The following HCRTR2 variants were observed in gnomAD, a reference collection of about 807,000 sequenced individuals.
HCRTR2 encodes orexin receptor type 2.
In HCRTR2, 22 loss-of-function variants were observed where a neutral mutation model predicts 49.0. The observed-to-expected ratio is 0.45, with a 90% CI of 0.32 to 0.64. The LOEUF is 0.64. Among genes scored for constraint, HCRTR2 ranks in the 30% least tolerant of loss-of-function variants. The pLI is 0.04. For synonymous variants in HCRTR2, 236 were observed against 205.3 expected, an observed-to-expected ratio of 1.15 and a Z score of -1.28; for missense variants, 491 against 559.4, an observed-to-expected ratio of 0.88 and a Z score of 1.23.
chr6:55,193,681 T>C (rs959200658), intron 1 of HCRTR2, among the ~76,000 whole-genome samples: 5 of 152,048 alleles, frequency 3.3e-5, no homozygotes, highest in Admixed American at 2.6e-4. Context: ...CAAAATACTG[T>C]CTCCACATTT....
chr6:55,273,484 T>A (rs536519508), intron 4 of HCRTR2, among the ~76,000 whole-genome samples: 1 of 152,196 alleles, frequency 6.6e-6, no homozygotes, highest in East Asian at 1.9e-4. Context: ...TCCTCCCAGA[T>A]AAAATTCTCG....
chr6:55,238,298 C>T (rs1016402186), intron 1 of HCRTR2, among the ~76,000 whole-genome samples: 2 of 152,108 alleles, frequency 1.3e-5, no homozygotes, highest in Admixed American at 6.6e-5. Context: ...ATTTCAACCT[C>T]GTTATTATTT....
At position 55,114,161 on chromosome 6, in the gene HCRTR2, T is replaced by C. The variant is rs151158098; in HGVS notation, c.-378+7616T>C. Among the ~76,000 whole-genome samples the C allele has an allele frequency of 2.9e-3, 435 of 151,802 alleles. 2 individuals carry two copies. Among genetic ancestry groups the C allele is most frequent in the African/African-American group, 9.5e-3 (396 of 41,478 alleles). The stretch of plus-strand genomic sequence containing the variant: ...AGGGTGAGGGTTAAAATACTACAGA[T>C]TGGGTACAGTGCACACTGCTCAGGT... On this transcript the variant is annotated intron_variant, in intron 1 of 7. Coordinates refer to the HCRTR2 transcript ENST00000615358.
chr6:55,199,745 G>A lies in HCRTR2; in HGVS notation c.223+24935G>A, dbSNP rs922645677. Among the ~76,000 whole-genome samples the A allele has an allele frequency of 5.9e-5, 9 of 151,990 alleles. No individual in the cohort carries two copies. The East Asian group carries it at 9.7e-4, about 16-fold the overall frequency. The stretch of plus-strand genomic sequence containing the variant: ...AATTTGGGGAAAATTTAAAGCTGGC[G>A]AAAAAGGCTTCATCATAATTGACAA... On this transcript the variant is annotated intron_variant, in intron 1 of 6. Coordinates refer to ENST00000370862, the MANE Select transcript of HCRTR2 (RefSeq NM_001384272.1).
At chr6:55,121,838 T>G (rs544121114) in intron 1 of HCRTR2, among the ~76,000 whole-genome samples, 1 of 152,174 alleles carries the variant, frequency 6.6e-6, no homozygotes, top group South Asian at 2.1e-4. Context: ...ATAAGCTTTT[T>G]GATGTGCTGC....
At chr6:55,223,426 C>T (rs1765937071) in intron 1 of HCRTR2, among the ~76,000 whole-genome samples, 1 of 152,164 alleles carries the variant, frequency 6.6e-6, no homozygotes, top group Non-Finnish European at 1.5e-5. Flanking sequence ...GCTTTTAAAA[C>T]ATCCTGAAGT....
chr6:55,133,646 T>TTATC (rs768016218), intron 1 of HCRTR2, among the ~76,000 whole-genome samples: 1 of 146,578 alleles, frequency 6.8e-6, no homozygotes, highest in African/African-American at 2.5e-5. Flanking sequence ...CTACATGTAT[T>TTATC]TATCTATCTA....
At position 55,115,416 on chromosome 6, in the gene HCRTR2, A is replaced by G. The variant is rs571452002; in HGVS notation, c.-378+8871A>G. 1.3e-4 allele frequency among the ~76,000 whole-genome samples: 20 copies of G among 151,678 alleles called. No individual in the cohort carries two copies. In the South Asian group the frequency reaches 3.9e-3, roughly 30 times the overall value. On this transcript the variant is annotated intron_variant, in intron 1 of 7. Transcript: ENST00000615358. ...AATTGGGCTATTTAATCAATTTTCTAAACTTCTGCTTAGTCAACTGTGGCA... is the reference window on the plus strand; with the variant it reads ...AATTGGGCTATTTAATCAATTTTCTGAACTTCTGCTTAGTCAACTGTGGCA...
chr6:55,118,983 T>G (rs1051170717), intron 1 of HCRTR2, among the ~76,000 whole-genome samples: 4 of 151,938 alleles, frequency 2.6e-5, no homozygotes, highest in African/African-American at 9.7e-5. Context: ...TTTCCCTCCC[T>G]GTGTTCATGT....
At chr6:55,140,620 A>T (rs7761418) in intron 1 of HCRTR2, among the ~76,000 whole-genome samples, 36,518 of 152,070 alleles carry the variant, frequency 0.24, 4,746 homozygotes, top group African/African-American at 0.31. Flanking sequence ...ATTTTACAAA[A>T]TTTTTAACAT....
At position 55,282,314 on chromosome 6, in the gene HCRTR2, A is replaced by G; in HGVS notation, c.1195A>G (p.Thr399Ala). 1 of 1,613,848 alleles carries G rather than the reference A, an allele frequency of 6.2e-7. No homozygotes were observed. The highest frequency in any genetic ancestry group is 1.3e-5 in the African/African-American group (1 of 75,044). The change falls in exon 7 of 7, where the codon ACT becomes GCT. Residue 399 changes from threonine (T) to alanine (A), a missense_variant. Transcript: ENST00000370862. ...GGAGGATCGGCTCACCAGGGGACGA[A>G]CTAGCACAGAGAGCCGGAAGTCCTT... ...RQEDRLTRGR[T>A]STESRKSLTT...
intron 1 of HCRTR2, among the ~76,000 whole-genome samples, chr6:55,240,467 C>A (rs1454952119): frequency 6.6e-6 from 1 of 151,984 alleles, no homozygotes; most frequent in Middle Eastern, 3.4e-3. Flanking sequence ...GTCCTCCATC[C>A]GTCAGCGTTG....
upstream of HCRTR2, among the ~76,000 whole-genome samples, chr6:55,171,989 A>T (rs1245125112): frequency 6.6e-6 from 1 of 152,164 alleles, no homozygotes; most frequent in Admixed American, 6.5e-5. Context: ...TGAATAGTGC[A>T]TGGAAGAGTA....
intron 1 of HCRTR2, among the ~76,000 whole-genome samples, chr6:55,215,771 T>G (rs889051672): frequency 2.0e-5 from 3 of 152,228 alleles, no homozygotes; most frequent in Admixed American, 6.5e-5. Context: ...ATATGTTTGA[T>G]TTAAGCCCCA....
At chr6:55,174,361 T>G (rs1764995667), upstream of HCRTR2, 2 of 566,994 alleles carry the variant, frequency 3.5e-6, no homozygotes, top group Admixed American at 5.6e-5. Flanking sequence ...GTTCCTCAGC[T>G]GCCTATCTTC....
intron 1 of HCRTR2, among the ~76,000 whole-genome samples, chr6:55,146,459 C>A (rs1764581636): frequency 6.6e-6 from 1 of 151,946 alleles, no homozygotes; most frequent in Admixed American, 6.5e-5. Context: ...AATGCTAATT[C>A]ATTCCTGGGC....
chr6:55,277,594 TA>T lies in HCRTR2; in HGVS notation c.980del (p.Lys327ArgfsTer81). On this transcript the variant is annotated frameshift_variant, in exon 5 of 7. Coordinates refer to ENST00000370862, the MANE Select transcript of HCRTR2 (RefSeq NM_001384272.1). LOFTEE classifies it high-confidence loss of function. ...CYLPISILNV[L>X]KRVFGMFAHT... ...CTACCAATTAGCATCCTCAATGTGC[TA>T]AAGAGGTAAAACTTATCTGTTATTT... 1 of 1,605,110 alleles carries T rather than the reference TA, an allele frequency of 6.2e-7. No homozygotes were observed. Among genetic ancestry groups the T allele is most frequent in the Non-Finnish European group, 8.5e-7 (1 of 1,171,924 alleles).
intron 1 of HCRTR2, among the ~76,000 whole-genome samples, chr6:55,220,737 G>A (rs972046047): frequency 1.3e-5 from 2 of 152,058 alleles, no homozygotes; most frequent in African/African-American, 4.8e-5. Flanking sequence ...GAAATAAAAA[G>A]CACTGAAATC....
At chr6:55,135,949 ACATGGTCAATTTT>A (rs1043730812) in intron 1 of HCRTR2, among the ~76,000 whole-genome samples, 51 of 152,300 alleles carry the variant, frequency 3.3e-4, no homozygotes, top group African/African-American at 7.5e-4. Context: ...AGGACACAAG[ACATGGTCAATTTT>A]CATGGCTCTA....
Sources: gnomAD v4.1 joint callset for allele counts (sites outside exome capture counted in the v4.1 genomes callset) on GRCh38, gnomAD v4.1.1 for gene constraint, MANE v1.5 for transcripts, NCBI Gene and HGNC (gene_info 2026-07-23, HGNC 2026-07-21) for gene names.